TBX18: variants seen among roughly 807,000 people sequenced by gnomAD.
TBX18 encodes the protein T-box transcription factor 18, also known as T-box transcription factor TBX18.
A neutral mutation model predicts 55.0 loss-of-function variants in TBX18; 21 were observed. That is an observed-to-expected ratio of 0.38 (90% CI 0.27 to 0.55). TBX18 has a LOEUF of 0.55. Among genes scored for constraint, TBX18 ranks in the 20% least tolerant of loss-of-function variants. The pLI is 0.73. For missense variants in TBX18, 840 were observed against 799.6 expected (o/e 1.05, Z -0.61); for synonymous variants, 342 against 326.1 (o/e 1.05, Z -0.53).
chr6:84,753,169 T>C (rs1767395533), intron 4 of TBX18, among the ~76,000 whole-genome samples: 1 of 152,218 alleles, frequency 6.6e-6, no homozygotes, highest in Non-Finnish European at 1.5e-5. Context: ...TGTGGAGTGC[T>C]GGAACATTTC....
chr6:84,759,964 A>T (rs1239428407), intron 3 of TBX18, among the ~76,000 whole-genome samples: 3 of 152,230 alleles, frequency 2.0e-5, no homozygotes, highest in Non-Finnish European at 2.9e-5. Context: ...AGTGTAAGTC[A>T]ATATAAAAGA....
At chr6:84,742,732 G>T (rs889638001) in intron 6 of TBX18, among the ~76,000 whole-genome samples, 2 of 151,914 alleles carry the variant, frequency 1.3e-5, no homozygotes, top group African/African-American at 4.8e-5. Flanking sequence ...GAATTTCAGT[G>T]TTTTAATAAA....
intron 6 of TBX18, chr6:84,742,662 T>C (rs1053489244): frequency 1.3e-5 from 2 of 152,294 alleles, no homozygotes; most frequent in South Asian, 2.1e-4. Context: ...GCTAGAGTAA[T>C]TGATAGCTTG....
At chr6:84,747,858 C>T (rs1182551099) in intron 5 of TBX18, 62 bp downstream of exon 5, 2 of 1,486,772 alleles carry the variant, frequency 1.3e-6, no homozygotes, top group Non-Finnish European at 1.8e-6. Flanking sequence ...AGAAGGATAG[C>T]TAACTTTCTC....
intron 4 of TBX18, among the ~76,000 whole-genome samples, chr6:84,754,254 T>C (rs1461363883): frequency 6.6e-6 from 1 of 152,162 alleles, no homozygotes; most frequent in East Asian, 1.9e-4. Context: ...GCTTTGCATC[T>C]TTTACCATAC....
intron 4 of TBX18, among the ~76,000 whole-genome samples, chr6:84,750,613 A>C (rs1767321802): frequency 1.3e-5 from 2 of 152,202 alleles, no homozygotes; most frequent in African/African-American, 4.8e-5. Flanking sequence ...TGAATCCTTA[A>C]GGCTGAACCT....
Position 84,737,371 on chromosome 6 carries a change from T to C in TBX18, c.1138A>G (p.Asn380Asp). The C allele has an allele frequency of 6.5e-7, 1 of 1,534,830 alleles. No homozygotes were observed. The highest frequency in any genetic ancestry group is 8.8e-7 in the Non-Finnish European group (1 of 1,142,560). The change falls in exon 8 of 8, where the codon AAT (asparagine) becomes GAT (aspartate). Residue 380 changes from asparagine (N) to aspartate (D), a missense_variant. Asn to Asp is a conservative substitution (Grantham distance 23, BLOSUM62 1). Coordinates refer to ENST00000369663, the MANE Select transcript of TBX18 (RefSeq NM_001080508.3). ...SSSTLLQGTG[N>D]GVPATHPHLL... The stretch of plus-strand genomic sequence containing the variant: ...TGAGGGTGAGTGGCAGGAACGCCAT[T>C]CCCAGTACCTTGGAGCAAGGTGGAG...
chr6:84,761,351 T>G (rs146881074), intron 2 of TBX18, among the ~76,000 whole-genome samples: 170 of 152,308 alleles, frequency 1.1e-3, no homozygotes, highest in Non-Finnish European at 2.1e-3. Flanking sequence ...CTATTACTCC[T>G]AACTAGGTAT....
chr6:84,749,670 T>A (rs1438943513), intron 4 of TBX18, among the ~76,000 whole-genome samples: 1 of 151,976 alleles, frequency 6.6e-6, no homozygotes, highest in Non-Finnish European at 1.5e-5. Context: ...AGGAAAATTC[T>A]CTTTCCAGAA....
intron 3 of TBX18, among the ~76,000 whole-genome samples, chr6:84,757,629 T>C (rs191899625): frequency 6.6e-6 from 1 of 152,150 alleles, no homozygotes; most frequent in Admixed American, 6.5e-5. Context: ...TAATTAATAT[T>C]ACTTTTCTAA....
At chr6:84,762,162 G>GAA (rs60538128) in intron 2 of TBX18, among the ~76,000 whole-genome samples, 162 of 148,890 alleles carry the variant, frequency 1.1e-3, no homozygotes, top group Non-Finnish European at 1.2e-3. Flanking sequence ...AAAGAGAAAG[G>GAA]AAAAAAAAAA....
rs1767124169 is a variant in TBX18 at position 84,744,273 on chromosome 6, G to A, written c.992C>T (p.Ser331Phe). The A allele has an allele frequency of 6.2e-7, 1 of 1,612,518 alleles. No homozygotes were observed. Among genetic ancestry groups the A allele is most frequent in the Non-Finnish European group, 8.5e-7 (1 of 1,179,154 alleles). ...RNPFAKGFRD[S>F]GRNRMGLEAL... ...CACTAAGGCCCACCTGTTGCGCCCG[G>A]AGTCTCGGAAGCCTTTAGCAAATGG... The change falls in exon 6 of 8, where the codon TCC becomes TTC. Residue 331 changes from serine to phenylalanine, a missense_variant. By Grantham distance (155) the Ser-to-Phe change is radical. Transcript: ENST00000369663.
chr6:84,742,067 A>G (rs574624009), intron 6 of TBX18: 164 of 152,310 alleles, frequency 1.1e-3, no homozygotes, highest in African/African-American at 3.8e-3. Flanking sequence ...TAAGCAAGAG[A>G]GTTTCAGCAA....
intron 5 of TBX18, among the ~76,000 whole-genome samples, chr6:84,747,112 A>T (rs1582072551): frequency 6.6e-6 from 1 of 152,030 alleles, no homozygotes; most frequent in African/African-American, 2.4e-5. Context: ...AAAAGCCTTA[A>T]ATTTGTAATT....
At chr6:84,755,054 C>A (rs1159940510) in intron 4 of TBX18, among the ~76,000 whole-genome samples, 1 of 152,058 alleles carries the variant, frequency 6.6e-6, no homozygotes. Context: ...CGCACACACA[C>A]AAACACGCAC....
At position 84,735,664 on chromosome 6, in the gene TBX18, ATT is replaced by A. The variant is rs573750942; in HGVS notation, c.*1019_*1020del. On this transcript the variant is annotated 3_prime_UTR_variant, in exon 8 of 8. Coordinates refer to ENST00000369663, the MANE Select transcript of TBX18 (RefSeq NM_001080508.3). ...AGATATAAATAAGTAGCATAAATGC[ATT>A]TTTTTTACTTATATACTATCGGTCA... is the stretch of plus-strand genomic sequence containing the variant. The A allele has an allele frequency of 6.6e-6, 1 of 152,090 alleles. No homozygotes were observed. Among genetic ancestry groups the A allele is most frequent in the African/African-American group, 2.4e-5 (1 of 41,426 alleles). 9.4% of individuals were successfully genotyped at this position (152,090 alleles called of 1,614,324 possible).
intron 7 of TBX18, 116 bp downstream of exon 7, chr6:84,738,381 A>C: frequency 1.2e-6 from 1 of 838,708 alleles, no homozygotes; most frequent in Non-Finnish European, 2.1e-6. Flanking sequence ...TCTGTAGGAC[A>C]ATGCTGGTGA....
rs1051933072 is a variant in TBX18 at position 84,744,404 on chromosome 6, G to A, written c.940-79C>T. On this transcript the variant is annotated intron_variant, in intron 5 of 7. Transcript: ENST00000369663. ...TTACTTGGTTGCAAAACTACAATGA[G>A]TCAAAAGTTAACTGTTAGAGGACTC... 8.8e-6 allele frequency: 11 copies of A among 1,246,384 alleles called. No homozygotes were observed. In the East Asian group the frequency reaches 2.7e-4, roughly 30 times the overall value. 77.2% of individuals were successfully genotyped at this position (1,246,384 alleles called of 1,614,324 possible).
rs113485691 is a variant in TBX18, at chr6:84,743,700, T to C, written c.1004+561A>G. Among the ~76,000 whole-genome samples the C allele has an allele frequency of 4.0e-3, 602 of 152,284 alleles. 3 individuals carry two copies. The highest frequency in any genetic ancestry group is 0.011 in the African/African-American group (453 of 41,570). The stretch of plus-strand genomic sequence containing the variant: ...TAAAAGTAAGAGTGGAATTCATTAT[T>C]GTGGCTCTACCACTTAGTACAAACA... On this transcript the variant is annotated intron_variant, in intron 6 of 7. Coordinates refer to ENST00000369663, the MANE Select transcript of TBX18 (RefSeq NM_001080508.3).
Sources: gnomAD v4.1 joint callset for allele counts (sites outside exome capture counted in the v4.1 genomes callset) on GRCh38, gnomAD v4.1.1 for gene constraint, MANE v1.5 for transcripts, NCBI Gene and HGNC (gene_info 2026-07-23, HGNC 2026-07-21) for gene names.